UNC79: variants seen among roughly 807,000 people sequenced by gnomAD.
The protein encoded by UNC79 is unc-79 subunit of NALCN channel complex.
In UNC79, 37 loss-of-function variants were observed where a neutral mutation model predicts 283.1. The ratio of observed to expected loss-of-function variants is 0.13; its 90% CI spans 0.10 to 0.17. UNC79 has a LOEUF of 0.17. Ranked by LOEUF, UNC79 falls within the 10% of genes least tolerant of loss-of-function variation. UNC79 has a pLI of 1.00. For missense variants in UNC79, 2,272 were observed against 3,211.1 expected, an observed-to-expected ratio of 0.71 and a Z score of 7.07; for synonymous variants, 1,107 against 1,200.2, an observed-to-expected ratio of 0.92 and a Z score of 1.61.
At chr14:93,339,640 G>T (rs974952239) in intron 1 of UNC79, among the ~76,000 whole-genome samples, 1 of 152,180 alleles carries the variant, frequency 6.6e-6, no homozygotes, top group African/African-American at 2.4e-5. Context: ...TGTTACTCGT[G>T]GTCAGCACCT....
chr14:93,673,437 C>T, exon 41 of UNC79: 1 of 1,612,936 alleles, frequency 6.2e-7, no homozygotes, highest in Middle Eastern at 1.7e-4. Flanking sequence ...CAGATACAAA[C>T]CTTCTTCTGC....
chr14:93,571,988 A>G (rs1327798512), exon 15 of UNC79: 12 of 1,614,106 alleles, frequency 7.4e-6, no homozygotes, highest in Admixed American at 1.7e-5. Flanking sequence ...AATGTGATCA[A>G]TCAATCTGTC....
At chr14:93,612,904 A>G in exon 27 of UNC79, 1 of 1,614,156 alleles carries the variant, frequency 6.2e-7, no homozygotes, top group Non-Finnish European at 8.5e-7. Context: ...CATGAAGTTC[A>G]TGGCCAAGGA....
chr14:93,452,958 G>A (rs891757251), intron 1 of UNC79, among the ~76,000 whole-genome samples: 4 of 152,318 alleles, frequency 2.6e-5, no homozygotes, highest in East Asian at 1.9e-4. Context: ...AAATTTTGCT[G>A]TGTGATGGAC....
intron 1 of UNC79, among the ~76,000 whole-genome samples, chr14:93,356,159 C>G (rs1326314371): frequency 6.6e-6 from 1 of 151,954 alleles, no homozygotes; most frequent in African/African-American, 2.4e-5. Flanking sequence ...TCCCAAGTAG[C>G]TGGGATTACA....
intron 22 of UNC79, among the ~76,000 whole-genome samples, chr14:93,589,563 G>C (rs1212097320): frequency 6.6e-6 from 1 of 152,106 alleles, no homozygotes; most frequent in Non-Finnish European, 1.5e-5. Flanking sequence ...TCCACTGATG[G>C]CATCTGCAGA....
At chr14:93,615,187 T>C (rs571352385) in intron 27 of UNC79, among the ~76,000 whole-genome samples, 4 of 152,314 alleles carry the variant, frequency 2.6e-5, no homozygotes, top group Non-Finnish European at 5.9e-5. Context: ...GATCAATGCC[T>C]GTCTCATGGT....
At chr14:93,437,129 A>C (rs764879383) in intron 1 of UNC79, among the ~76,000 whole-genome samples, 1 of 152,152 alleles carries the variant, frequency 6.6e-6, no homozygotes, top group Non-Finnish European at 1.5e-5. Flanking sequence ...ATGTTATTTT[A>C]TTTTAAGAAT....
chr14:93,378,704 C>T (rs1439296086), intron 1 of UNC79, among the ~76,000 whole-genome samples: 1 of 152,034 alleles, frequency 6.6e-6, no homozygotes, highest in Non-Finnish European at 1.5e-5. Flanking sequence ...TGGAATTTTC[C>T]ACTTGTGGCA....
chr14:93,436,964 G>A (rs1418313767), intron 1 of UNC79, among the ~76,000 whole-genome samples: 1 of 152,072 alleles, frequency 6.6e-6, no homozygotes, highest in Non-Finnish European at 1.5e-5. Flanking sequence ...CTGGAGTGGT[G>A]TTCAGCATTT....
chr14:93,346,692 C>G (rs1042961389), intron 1 of UNC79, among the ~76,000 whole-genome samples: 1 of 152,120 alleles, frequency 6.6e-6, no homozygotes, highest in Non-Finnish European at 1.5e-5. Context: ...ATAAACTCTG[C>G]CAATGCCAGG....
At chr14:93,627,834 C>T (rs1217116853) in intron 30 of UNC79, among the ~76,000 whole-genome samples, 2 of 152,192 alleles carry the variant, frequency 1.3e-5, no homozygotes, top group Admixed American at 1.3e-4. Context: ...CTGAAATTAA[C>T]ATTTAACTGA....
intron 27 of UNC79, among the ~76,000 whole-genome samples, 153 bp from the exon 29 acceptor site, chr14:93,616,969 G>A (rs1596089007): frequency 1.3e-5 from 2 of 152,024 alleles, no homozygotes; most frequent in African/African-American, 4.8e-5. Flanking sequence ...TCCTTCTTGC[G>A]TACTAGCCAT....
intron 14 of UNC79, among the ~76,000 whole-genome samples, chr14:93,567,830 A>G (rs1478737555): frequency 6.6e-6 from 1 of 152,226 alleles, no homozygotes; most frequent in Non-Finnish European, 1.5e-5. Context: ...CATGTGCCCA[A>G]GGTGCTCGGG....
At chr14:93,342,632 A>G (rs888614174) in intron 1 of UNC79, among the ~76,000 whole-genome samples, 3 of 152,260 alleles carry the variant, frequency 2.0e-5, no homozygotes, top group African/African-American at 7.2e-5. Flanking sequence ...CCACATGGTC[A>G]GGCTGCAAAT....
At chr14:93,548,404 G>A (rs968872735) in intron 14 of UNC79, among the ~76,000 whole-genome samples, 44 of 152,178 alleles carry the variant, frequency 2.9e-4, no homozygotes, top group African/African-American at 1.1e-3. Context: ...AGAACTTTGC[G>A]GGGACACAAA....
chr14:93,341,816 C>T (rs945270184), intron 1 of UNC79, among the ~76,000 whole-genome samples: 1 of 152,138 alleles, frequency 6.6e-6, no homozygotes, highest in Middle Eastern at 3.2e-3. Context: ...AACAGGGCAG[C>T]CATTAAATCT....
chr14:93,525,771 T>C (rs2060520154), intron 8 of UNC79, among the ~76,000 whole-genome samples: 1 of 152,150 alleles, frequency 6.6e-6, no homozygotes, highest in African/African-American at 2.4e-5. Context: ...TTTCTGCAGT[T>C]ATTTTTCCTT....
intron 1 of UNC79, among the ~76,000 whole-genome samples, chr14:93,447,898 G>A (rs942410901): frequency 6.6e-6 from 1 of 151,896 alleles, no homozygotes; most frequent in Non-Finnish European, 1.5e-5. Flanking sequence ...TTCTCTTACT[G>A]GTTTTAAGAT....
Sources: gnomAD v4.1 joint callset for allele counts (sites outside exome capture counted in the v4.1 genomes callset) on GRCh38, gnomAD v4.1.1 for gene constraint, MANE v1.5 for transcripts, NCBI Gene and HGNC (gene_info 2026-07-23, HGNC 2026-07-21) for gene names.